KMT2C: variants seen among roughly 807,000 people sequenced by gnomAD.
The protein encoded by KMT2C is lysine methyltransferase 2C, also known as histone-lysine N-methyltransferase 2C.
KMT2C carries 88 observed loss-of-function variants against 507.9 expected under a neutral mutation model. That is an observed-to-expected ratio of 0.17 (90% CI 0.15 to 0.21). The LOEUF (loss-of-function observed/expected upper bound fraction) is 0.21. KMT2C is among the 10% of genes least tolerant of loss of function. KMT2C has a pLI of 1.00. For synonymous variants in KMT2C, 2,049 were observed against 2,080.8 expected, an observed-to-expected ratio of 0.98 and a Z score of 0.42; for missense variants, 4,954 against 5,957.8, an observed-to-expected ratio of 0.83 and a Z score of 5.55.
intron 6 of KMT2C, among the ~76,000 whole-genome samples, chr7:152,279,162 AAT>A (rs1440194871): frequency 6.6e-6 from 1 of 152,226 alleles, no homozygotes; most frequent in African/African-American, 2.4e-5. Context: ...AGAAATTCAC[AAT>A]ATAAGGATAA....
At chr7:152,305,502 A>G (rs1278907385) in intron 6 of KMT2C, among the ~76,000 whole-genome samples, 1 of 152,142 alleles carries the variant, frequency 6.6e-6, no homozygotes, top group East Asian at 1.9e-4. Context: ...TCTGAGAAGT[A>G]TACGTGAGGT....
chr7:152,242,702 C>A (rs113382363), intron 14 of KMT2C, among the ~76,000 whole-genome samples: 1 of 152,090 alleles, frequency 6.6e-6, no homozygotes, highest in Non-Finnish European at 1.5e-5. Flanking sequence ...AATAATGACA[C>A]GTGGAGGATA....
At chr7:152,231,211 A>G (rs528710253) in intron 16 of KMT2C, among the ~76,000 whole-genome samples, 2 of 152,316 alleles carry the variant, frequency 1.3e-5, no homozygotes, top group East Asian at 1.9e-4. Context: ...TTATCAACCA[A>G]TATTGCTCAG....
intron 55 of KMT2C, among the ~76,000 whole-genome samples, chr7:152,142,568 C>A (rs2129091540): frequency 6.6e-6 from 1 of 152,346 alleles, no homozygotes; most frequent in Middle Eastern, 3.4e-3. Flanking sequence ...CGCTTTTACA[C>A]AGAAACCTCA....
At chr7:152,139,045 A>G (rs2090205821) in intron 57 of KMT2C, 141 bp from the exon 58 acceptor site, 2 of 994,894 alleles carry the variant, frequency 2.0e-6, no homozygotes, top group African/African-American at 1.6e-5. Flanking sequence ...ACATTTAAAT[A>G]AAAATTCTCA....
chr7:152,302,842 C>T (rs28640225), intron 6 of KMT2C, among the ~76,000 whole-genome samples: 6,516 of 151,708 alleles, frequency 0.043, 489 homozygotes, highest in African/African-American at 0.15. Context: ...CAGGGTTTTG[C>T]CATGTTGGTT....
chr7:152,419,385 T>C (rs547107978), intron 1 of KMT2C, among the ~76,000 whole-genome samples: 9 of 152,094 alleles, frequency 5.9e-5, no homozygotes, highest in Admixed American at 2.0e-4. Context: ...AACATTTACA[T>C]TTATAACAAC....
chr7:152,154,585 C>T (rs1005047395), intron 46 of KMT2C, 140 bp from the exon 47 acceptor site: 6 of 626,864 alleles, frequency 9.6e-6, no homozygotes, highest in African/African-American at 9.1e-5. Context: ...AATGAATCAG[C>T]TCAGAGCCAC....
chr7:152,354,234 C>T (rs1236450628), intron 2 of KMT2C, among the ~76,000 whole-genome samples: 3 of 152,016 alleles, frequency 2.0e-5, no homozygotes, highest in African/African-American at 4.8e-5. Context: ...ACAGTCCATT[C>T]GTGGGGCTTA....
chr7:152,170,414 G>A (rs565223073), intron 40 of KMT2C, among the ~76,000 whole-genome samples: 4 of 152,140 alleles, frequency 2.6e-5, no homozygotes, highest in South Asian at 4.2e-4. Context: ...CCCAGATACT[G>A]CTTGATATTA....
chr7:152,336,918 C>T (rs1032526698), intron 2 of KMT2C, among the ~76,000 whole-genome samples: 2 of 152,102 alleles, frequency 1.3e-5, no homozygotes, highest in African/African-American at 2.4e-5. Context: ...ACAGGCAAGG[C>T]GATTTCATCT....
At chr7:152,392,755 T>A (rs187764205) in intron 1 of KMT2C, among the ~76,000 whole-genome samples, 20 of 152,324 alleles carry the variant, frequency 1.3e-4, no homozygotes, top group Admixed American at 6.5e-4. Flanking sequence ...CTCTTCAGTA[T>A]CTGATGAGAA....
intron 51 of KMT2C, among the ~76,000 whole-genome samples, chr7:152,149,843 T>C (rs1219964607): frequency 6.6e-6 from 1 of 152,100 alleles, no homozygotes; most frequent in East Asian, 1.9e-4. Flanking sequence ...GCCCCAATCC[T>C]GACAAGGTAT....
intron 1 of KMT2C, among the ~76,000 whole-genome samples, chr7:152,377,787 C>T (rs2097340961): frequency 6.9e-6 from 1 of 145,948 alleles, no homozygotes; most frequent in South Asian, 2.2e-4. Flanking sequence ...GCAAAGTAAA[C>T]TGAAAACCTT....
intron 1 of KMT2C, among the ~76,000 whole-genome samples, chr7:152,391,602 G>A (rs951242514): frequency 5.5e-3 from 723 of 132,622 alleles, no homozygotes; most frequent in South Asian, 0.032. Context: ...GAGTGCAGTG[G>A]CACAGCTCAC....
intron 1 of KMT2C, chr7:152,368,004 A>G (rs2097261244): frequency 1.2e-6 from 1 of 852,282 alleles, no homozygotes; most frequent in African/African-American, 1.7e-5. Flanking sequence ...CCAAGAACAT[A>G]AAATTAAGAT....
chr7:152,178,029 A>G lies in KMT2C; in HGVS notation c.7443-19T>C. 7.2e-7 allele frequency: 1 copy of G among 1,394,082 alleles called. No homozygotes were observed. The highest frequency in any genetic ancestry group is 9.2e-7 in the Non-Finnish European group (1 of 1,085,988). 86.4% of individuals were successfully genotyped at this position (1,394,082 alleles called of 1,614,324 possible). A position where few individuals can be genotyped will look rare whatever the true frequency, so the allele number is the denominator to read the frequency against. On this transcript the variant is annotated intron_variant, in intron 37 of 58. Coordinates refer to ENST00000262189, the MANE Select transcript of KMT2C (RefSeq NM_170606.3). ...TCCAAATCTTTTAAAAAAAAAAAAA[A>G]AAAAAAAAAAAAAGCAAATAGGTAT...
intron 6 of KMT2C, among the ~76,000 whole-genome samples, chr7:152,299,405 G>C (rs1363209485): frequency 6.6e-6 from 1 of 151,946 alleles, no homozygotes; most frequent in Non-Finnish European, 1.5e-5. Context: ...TGTAATCCCA[G>C]CACTCTGGGT....
chr7:152,217,410 A>G (rs1473773781), intron 23 of KMT2C, among the ~76,000 whole-genome samples: 1 of 152,190 alleles, frequency 6.6e-6, no homozygotes, highest in Non-Finnish European at 1.5e-5. Context: ...GCAAACAGAA[A>G]GCAAAAATGT....
Sources: gnomAD v4.1 joint callset for allele counts (sites outside exome capture counted in the v4.1 genomes callset) on GRCh38, gnomAD v4.1.1 for gene constraint, MANE v1.5 for transcripts, NCBI Gene and HGNC (gene_info 2026-07-23, HGNC 2026-07-21) for gene names.